Variants in DSCAM observed in about 807,000 individuals in gnomAD.
DSCAM encodes the protein cell adhesion molecule DSCAM.
A neutral mutation model predicts 217.7 loss-of-function variants in DSCAM; 47 were observed. The ratio of observed to expected loss-of-function variants is 0.22; its 90% confidence interval spans 0.17 to 0.28. The LOEUF (loss-of-function observed/expected upper bound fraction) is 0.28, where lower values mean the gene tolerates loss of function less well. DSCAM is among the 10% of genes least tolerant of loss of function. DSCAM has a pLI of 1.00. For missense variants in DSCAM, 2,080 were observed against 2,618.3 expected (o/e 0.79, Z 4.49); for synonymous variants, 1,056 against 1,015.3 (o/e 1.04, Z -0.76).
At chr21:40,585,524 T>A (rs531395027) in intron 3 of DSCAM, among the ~76,000 whole-genome samples, 11 of 150,874 alleles carry the variant, frequency 7.3e-5, no homozygotes, top group Middle Eastern at 3.5e-3. Context: ...CACAGCAAAA[T>A]ACATGGGCAA....
intron 10 of DSCAM, among the ~76,000 whole-genome samples, chr21:40,290,938 C>A (rs529419542): frequency 6.6e-6 from 1 of 152,140 alleles, no homozygotes; most frequent in Non-Finnish European, 1.5e-5. Flanking sequence ...TAAGCTCTGA[C>A]AATGCAGAAA....
intron 14 of DSCAM, among the ~76,000 whole-genome samples, chr21:40,183,337 T>C (rs956485904): frequency 6.6e-6 from 1 of 152,184 alleles, no homozygotes; most frequent in Non-Finnish European, 1.5e-5. Context: ...TCAGAAAATA[T>C]GGCAACCAAG....
intron 3 of DSCAM, among the ~76,000 whole-genome samples, chr21:40,553,069 T>C (rs753479866): frequency 7.9e-5 from 12 of 152,232 alleles, no homozygotes; most frequent in Non-Finnish European, 1.6e-4. Context: ...CTGCACTGAA[T>C]TGTAAGATAT....
At chr21:40,833,449 G>A (rs902531423) in intron 1 of DSCAM, among the ~76,000 whole-genome samples, 3 of 152,136 alleles carry the variant, frequency 2.0e-5, no homozygotes, top group Admixed American at 6.5e-5. Flanking sequence ...GCAACCAGGC[G>A]AGAGAAAATG....
chr21:40,476,728 C>T (rs1470858915), intron 3 of DSCAM, among the ~76,000 whole-genome samples: 1 of 152,024 alleles, frequency 6.6e-6, no homozygotes, highest in Admixed American at 6.6e-5. Context: ...ATAGGGAAAG[C>T]TTTGATGGGA....
Position 40,078,670 on chromosome 21 carries a change from A to C in DSCAM, c.4711+17T>G. Reference sequence around the variant, plus strand: ...CCCAAGACACAAGCAGGAGAGCCACAAAGCCAGCCAGCTTACTGCCATCGT... The same window carrying C: ...CCCAAGACACAAGCAGGAGAGCCACCAAGCCAGCCAGCTTACTGCCATCGT... On this transcript the variant is annotated intron_variant, in intron 26 of 32. Coordinates refer to ENST00000400454, the MANE Select transcript of DSCAM (RefSeq NM_001389.5). 2 of 1,605,980 alleles carry C rather than the reference A, an allele frequency of 1.2e-6. No homozygotes were observed. The highest frequency in any genetic ancestry group is 1.7e-6 in the Non-Finnish European group (2 of 1,174,648).
intron 28 of DSCAM, among the ~76,000 whole-genome samples, chr21:40,059,197 A>G (rs577142733): frequency 1.3e-5 from 2 of 152,346 alleles, no homozygotes; most frequent in South Asian, 4.1e-4. Flanking sequence ...GCACAAAAAT[A>G]TGAACATCAA....
chr21:40,391,094 G>C (rs549220946), intron 3 of DSCAM, among the ~76,000 whole-genome samples: 19 of 152,272 alleles, frequency 1.2e-4, no homozygotes, highest in Admixed American at 5.9e-4. Context: ...GATGCAGACC[G>C]CATGAAATCA....
At chr21:40,676,253 G>C (rs189499869) in intron 3 of DSCAM, among the ~76,000 whole-genome samples, 1 of 151,964 alleles carries the variant, frequency 6.6e-6, no homozygotes, top group East Asian at 1.9e-4. Flanking sequence ...GTCAAAGCCA[G>C]TAAAAAAAGC....
chr21:40,198,177 C>A (rs367881108), intron 11 of DSCAM, among the ~76,000 whole-genome samples: 6 of 152,136 alleles, frequency 3.9e-5, no homozygotes, highest in African/African-American at 1.4e-4. Flanking sequence ...TTGCAGGACC[C>A]AGAGCAAAAT....
At position 40,013,233 on chromosome 21, in the gene DSCAM, G is replaced by C; in HGVS notation, c.5840C>G (p.Pro1947Arg). ...LKRPTVLEPI[P>R]MEAASSASST... is the part of the protein sequence containing the mutation. ...GGAGGCGGAGGAGGCGGCTTCCATC[G>C]GGATGGGCTCCAGGACCGTGGGGCG... is the stretch of plus-strand genomic sequence containing the variant. Residue 1947 changes from proline to arginine, a missense_variant, in exon 33 of 33, where the codon CCG becomes CGG. Around this residue, in one of 5 missense-constraint regions of DSCAM, gnomAD observed 145 missense variants for 138.5 expected, o/e 1.05. Transcript: ENST00000400454. 1 of 1,613,840 alleles carries C rather than the reference G, an allele frequency of 6.2e-7. No individual in the cohort carries two copies. The highest frequency in any genetic ancestry group is 8.5e-7 in the Non-Finnish European group (1 of 1,179,924).
chr21:40,391,589 T>C (rs2075134400), intron 3 of DSCAM, among the ~76,000 whole-genome samples: 1 of 152,254 alleles, frequency 6.6e-6, no homozygotes, highest in Non-Finnish European at 1.5e-5. Flanking sequence ...GGGTTGTTCA[T>C]ACTGTGGAGT....
At chr21:40,683,890 C>T (rs1026742147) in intron 3 of DSCAM, among the ~76,000 whole-genome samples, 2 of 151,992 alleles carry the variant, frequency 1.3e-5, no homozygotes, top group Non-Finnish European at 2.9e-5. Context: ...TATACAGACG[C>T]GGGCGCAAAA....
chr21:40,613,147 G>A (rs1335024143), intron 3 of DSCAM, among the ~76,000 whole-genome samples: 1 of 152,014 alleles, frequency 6.6e-6, no homozygotes, highest in African/African-American at 2.4e-5. Context: ...ATGGTCAAGT[G>A]GCTTAAAAAT....
At chr21:40,308,176 G>C (rs2074100389) in intron 9 of DSCAM, among the ~76,000 whole-genome samples, 1 of 152,196 alleles carries the variant, frequency 6.6e-6, no homozygotes. Flanking sequence ...GCAGTACATT[G>C]TGGATACGCT....
At position 40,829,283 on chromosome 21, in the gene DSCAM, G is replaced by C. The variant is rs1044105312; in HGVS notation, c.43+17336C>G. Among the ~76,000 whole-genome samples the C allele has an allele frequency of 2.6e-5, 4 of 152,214 alleles. No individual in the cohort carries two copies. The East Asian group carries it at 7.7e-4, about 29-fold the overall frequency. ...AATCATATGAGGTTATCGACTCAGA[G>C]TCTGGGAAAGGAAGGGGAGTTTGAG... On this transcript the variant is annotated intron_variant, in intron 1 of 32. Transcript: ENST00000400454.
chr21:40,690,381 C>T (rs1049707406), intron 3 of DSCAM, among the ~76,000 whole-genome samples: 9 of 152,180 alleles, frequency 5.9e-5, no homozygotes, highest in Admixed American at 3.3e-4. Context: ...TCAGGTTGAA[C>T]GACCTGATAT....
At position 40,662,958 on chromosome 21, in the gene DSCAM, G is replaced by C. The variant is rs115127889; in HGVS notation, c.508+29852C>G. 9.0e-3 allele frequency among the ~76,000 whole-genome samples: 1,367 copies of C among 152,270 alleles called. 21 individuals are homozygous for C. The highest frequency in any genetic ancestry group is 0.031 in the African/African-American group (1,286 of 41,556). On this transcript the variant is annotated intron_variant, in intron 3 of 32. Coordinates refer to ENST00000400454, the MANE Select transcript of DSCAM (RefSeq NM_001389.5). ...AAAATAAAAAGGGGAGAGTGCCTGA[G>C]GTGTCATCAGAAGCCCAGCTTGAGG...
intron 32 of DSCAM, among the ~76,000 whole-genome samples, chr21:40,025,696 T>C (rs1469747871): frequency 6.6e-6 from 1 of 151,184 alleles, no homozygotes; most frequent in African/African-American, 2.4e-5. Flanking sequence ...TAGTTTGTAT[T>C]TCTGTGGGAT....
Sources: gnomAD v4.1 joint callset for allele counts (sites outside exome capture counted in the v4.1 genomes callset) on GRCh38, gnomAD v4.1.1 for gene constraint, gnomAD v4.1.1 regional missense constraint, MANE v1.5 for transcripts, NCBI Gene and HGNC (gene_info 2026-07-23, HGNC 2026-07-21) for gene names.